Variants in GFRA4 observed in about 807,000 individuals in gnomAD.
GFRA4 encodes the protein GDNF family receptor alpha 4.
Under a neutral mutation model 28.5 loss-of-function variants are expected in GFRA4, and 31 were observed. That is an observed-to-expected ratio of 1.09 (90% CI 0.82 to 1.47). GFRA4 has a LOEUF of 1.47. Among genes scored for constraint, GFRA4 ranks in the 40% most tolerant of loss-of-function variants. GFRA4 has a pLI of 0.00. For missense variants in GFRA4, 389 were observed against 413.2 expected, an observed-to-expected ratio of 0.94 and a Z score of 0.51; for synonymous variants, 188 against 188.0, an observed-to-expected ratio of 1.00 and a Z score of 0.00.
rs953167413 is a variant in GFRA4 at position 3,659,928 on chromosome 20, G to A, written c.791C>T (p.Ala264Val). The stretch of plus-strand genomic sequence containing the variant: ...TCCTAATCAGAGCAGGGCCGGGAGA[G>A]CCAGGACAGGAAGTATGGAGAGCAG... ...RSLLSILPVL[A>V]LPALL The change falls in exon 6 of 6, where the codon GCT becomes GTT. Residue 264 changes from alanine to valine, a missense_variant. Coordinates refer to ENST00000290417, the MANE Select transcript of GFRA4 (RefSeq NM_022139.4). 9 of 1,597,524 alleles carry A rather than the reference G, an allele frequency of 5.6e-6. No individual in the cohort carries two copies. In the Admixed American group the frequency reaches 1.2e-4, roughly 22 times the overall value.
At chr20:3,662,062 G>A (rs984097597) in intron 1 of GFRA4, among the ~76,000 whole-genome samples, 1 of 152,174 alleles carries the variant, frequency 6.6e-6, no homozygotes, top group Non-Finnish European at 1.5e-5. Context: ...TGGATTCAGA[G>A]AAGTCCCTGA....
At position 3,659,866 on chromosome 20, in the gene GFRA4, A is replaced by G. The variant is rs1219601591; in HGVS notation, c.*43T>C. 1.3e-6 allele frequency: 2 copies of G among 1,543,908 alleles called. No individual in the cohort carries two copies. Among genetic ancestry groups the G allele is most frequent in the Non-Finnish European group, 1.8e-6 (2 of 1,137,068 alleles). On this transcript the variant is annotated 3_prime_UTR_variant, in exon 6 of 6. Transcript: ENST00000290417. The stretch of plus-strand genomic sequence containing the variant: ...GGCCACAGAGGCGGCCCAGGCAGGC[A>G]GGGTGGAGTAGCTGGCTGTGCTATC...
Position 3,660,585 on chromosome 20 carries a change from C to T in GFRA4, c.578G>A (p.Gly193Glu), listed in dbSNP as rs1176596519. The change falls in exon 4 of 6, where the codon GGG becomes GAG. Residue 193 changes from glycine to glutamate, a missense_variant. Transcript: ENST00000290417. ...GGCTTCGCAGTCCTCACGCCGGTTC[C>T]CGCTGGCTCCGCAGTCGCACCAGGG... ...VAPWCDCGAS[G>E]NRREDCEAFR... is the part of the protein sequence containing the mutation. The T allele has an allele frequency of 1.3e-6, 2 of 1,551,028 alleles. No individual in the cohort carries two copies. The highest frequency in any genetic ancestry group is 1.7e-6 in the Non-Finnish European group (2 of 1,147,366).
intron 1 of GFRA4, among the ~76,000 whole-genome samples, chr20:3,662,884 C>T (rs1043494095): frequency 3.3e-5 from 5 of 152,180 alleles, no homozygotes; most frequent in African/African-American, 1.2e-4. Flanking sequence ...AGATCTCCTC[C>T]ACCTTAAACC....
chr20:3,662,694 G>A (rs1408760719), intron 1 of GFRA4, among the ~76,000 whole-genome samples: 1 of 152,132 alleles, frequency 6.6e-6, no homozygotes, highest in Non-Finnish European at 1.5e-5. Context: ...CCTCCCCAAA[G>A]GGCACACTTT....
Position 3,660,801 on chromosome 20 carries a change from C to A in GFRA4, c.456G>T (p.Leu152=). The A allele has an allele frequency of 7.1e-7, 1 of 1,415,260 alleles. No individual in the cohort carries two copies. The highest frequency in any genetic ancestry group is 9.1e-7 in the Non-Finnish European group (1 of 1,096,522). 87.7% of individuals were successfully genotyped at this position (1,415,260 alleles called of 1,614,324 possible). The part of the protein sequence containing the change: ...TPAPSAPDGC[L]LDQGARCLRA... ...GCAGGCAGCGGGCGCCCTGGTCCAG[C>A]AGGCAGCCGTCGGGGGCGCTGGGCG... Residue 152 remains leucine, a synonymous_variant, in exon 3 of 6, where the codon CTG becomes CTT. Coordinates refer to ENST00000290417, the MANE Select transcript of GFRA4 (RefSeq NM_022139.4).
In GFRA4 at chr20:3,659,831, G is replaced by C; in HGVS notation, c.*78C>G. ...GGGGGGTAAGCCAGCCCCTTCTCAA[G>C]GGGCCAGTAGGCCACAGAGGCGGCC... On this transcript the variant is annotated 3_prime_UTR_variant, in exon 6 of 6. Coordinates refer to ENST00000290417, the MANE Select transcript of GFRA4 (RefSeq NM_022139.4). The C allele has an allele frequency of 7.3e-7, 1 of 1,377,984 alleles. No homozygotes were observed. Among genetic ancestry groups the C allele is most frequent in the Non-Finnish European group, 1.0e-6 (1 of 993,218 alleles). 85.4% of individuals were successfully genotyped at this position (1,377,984 alleles called of 1,614,324 possible).
In GFRA4 at chr20:3,659,697, A is replaced by AC. The variant is rs3840956; in HGVS notation, c.*211dup. The AC allele has an allele frequency of 0.055, 31,975 of 584,820 alleles. 1,370 individuals are homozygous for AC. Among genetic ancestry groups the AC allele is most frequent in the African/African-American group, 0.14 (7,376 of 52,960 alleles). 36.2% of individuals were successfully genotyped at this position (584,820 alleles called of 1,614,324 possible). ...AACCAAGATGCCTCCTGACAGGGAGACGGGGGCTTTACAGTCAGGCCCCAG... is the reference window on the plus strand; with the variant it reads ...AACCAAGATGCCTCCTGACAGGGAGACCGGGGGCTTTACAGTCAGGCCCCAG... On this transcript the variant is annotated 3_prime_UTR_variant, in exon 6 of 6. Transcript: ENST00000290417.
chr20:3,659,994 G>T lies in GFRA4; in HGVS notation c.730-5C>A, dbSNP rs78068372. On this transcript the variant is annotated splice_region_variant and splice_polypyrimidine_tract_variant and intron_variant, in intron 5 of 5. Coordinates refer to ENST00000290417, the MANE Select transcript of GFRA4 (RefSeq NM_022139.4). ...GGCCCTGCCTGTGGAGGACACCTTG[G>T]GGGTGGGAGCCAAGTGCAGACTTGA... The T allele has an allele frequency of 3.2e-6, 5 of 1,568,272 alleles. No homozygotes were observed. The highest frequency in any genetic ancestry group is 4.3e-6 in the Non-Finnish European group (5 of 1,156,888).
intron 4 of GFRA4, 42 bp from the exon 5 acceptor site, chr20:3,660,291 C>T: frequency 2.0e-6 from 3 of 1,507,616 alleles, no homozygotes. Flanking sequence ...CTGGGAAACC[C>T]TAGCACAGGG....
chr20:3,660,622 C>T lies in GFRA4; in HGVS notation c.541G>A (p.Ala181Thr), dbSNP rs1218812605. ...CAGTCGCACCAGGGCGCCACGCGCG[C>T]GCTCACGTTGTCCACGTAGTTAGGG... ...VTPNYVDNVS[A>T]RVAPWCDCGA... is the part of the protein sequence containing the mutation. Residue 181 changes from alanine to threonine, a missense_variant, in exon 4 of 6, where the codon GCG becomes ACG. Ala to Thr is a moderately conservative substitution (Grantham distance 58). Transcript: ENST00000290417. 1 of 1,551,344 alleles carries T rather than the reference C, an allele frequency of 6.4e-7. No individual in the cohort carries two copies. The highest frequency in any genetic ancestry group is 2.0e-5 in the Admixed American group (1 of 51,210).
Position 3,660,561 on chromosome 20 carries a change from G to C in GFRA4, c.602C>G (p.Ala201Gly), listed in dbSNP as rs557657194. The change falls in exon 4 of 6, where the codon GCC becomes GGC. Residue 201 changes from alanine (A) to glycine (G), a missense_variant. By Grantham distance (60) the Ala-to-Gly change is moderately conservative. Transcript: ENST00000290417. ...ASGNRREDCE[A>G]FRGLFTRNRC... ...GTTCCTGGTAAAGAGCCCCCGGAAG[G>C]CTTCGCAGTCCTCACGCCGGTTCCC... 2 of 1,550,950 alleles carry C rather than the reference G, an allele frequency of 1.3e-6. No individual in the cohort carries two copies. Among genetic ancestry groups the C allele is most frequent in the Non-Finnish European group, 1.7e-6 (2 of 1,147,376 alleles).
In GFRA4 at chr20:3,661,307, A is replaced by G. The variant is rs1882624348; in HGVS notation, c.47-18T>C. ...CGCCGACCCTGGGAAAGGCGCGGGG[A>G]GGCTGCAGGTCTCAGTGCGCCCCGC... On this transcript the variant is annotated intron_variant, in intron 1 of 5. Coordinates refer to ENST00000290417, the MANE Select transcript of GFRA4 (RefSeq NM_022139.4). 6.9e-7 allele frequency: 1 copy of G among 1,446,608 alleles called. No individual in the cohort carries two copies. The highest frequency in any genetic ancestry group is 2.9e-5 in the East Asian group (1 of 34,850). 89.6% of individuals were successfully genotyped at this position (1,446,608 alleles called of 1,614,324 possible).
chr20:3,660,259 G>C lies in GFRA4; in HGVS notation c.638-10C>G. Reference sequence around the variant, plus strand: ...GCCTGAATGGCACCATCTATGGAGGGAGGGGTCCAGGGTGGACTTAGCTGG... The same window carrying C: ...GCCTGAATGGCACCATCTATGGAGGCAGGGGTCCAGGGTGGACTTAGCTGG... On this transcript the variant is annotated splice_polypyrimidine_tract_variant and intron_variant, in intron 4 of 5. Coordinates refer to ENST00000290417, the MANE Select transcript of GFRA4 (RefSeq NM_022139.4). The C allele has an allele frequency of 6.3e-7, 1 of 1,597,956 alleles. No individual in the cohort carries two copies. The highest frequency in any genetic ancestry group is 1.1e-5 in the South Asian group (1 of 88,334).
chr20:3,659,675 C>T lies in GFRA4; in HGVS notation c.*234G>A. On this transcript the variant is annotated 3_prime_UTR_variant, in exon 6 of 6. Coordinates refer to ENST00000290417, the MANE Select transcript of GFRA4 (RefSeq NM_022139.4). The stretch of plus-strand genomic sequence containing the variant: ...GTCTGTGAATAAAGGGACTTACAAC[C>T]AAGATGCCTCCTGACAGGGAGACGG... The T allele has an allele frequency of 1.7e-6, 1 of 574,590 alleles. No individual in the cohort carries two copies. 35.6% of individuals were successfully genotyped at this position (574,590 alleles called of 1,614,324 possible).
At chr20:3,662,027 C>A (rs2087229671) in intron 1 of GFRA4, among the ~76,000 whole-genome samples, 1 of 152,202 alleles carries the variant, frequency 6.6e-6, no homozygotes, top group Non-Finnish European at 1.5e-5. Context: ...ACTGAAGAAC[C>A]CACTGAGTCC....
intron 1 of GFRA4, among the ~76,000 whole-genome samples, chr20:3,662,237 C>G (rs999482762): frequency 6.6e-6 from 1 of 152,238 alleles, no homozygotes; most frequent in Non-Finnish European, 1.5e-5. Context: ...GCTCTGCCCA[C>G]ATGCCCACAG....
intron 2 of GFRA4, 38 bp downstream of exon 2, chr20:3,660,906 C>G: frequency 7.2e-7 from 1 of 1,383,274 alleles, no homozygotes; most frequent in Non-Finnish European, 9.3e-7. Context: ...AGGCCCCGTC[C>G]CCACCCTCGC....
intron 1 of GFRA4, among the ~76,000 whole-genome samples, chr20:3,662,539 C>A (rs2087234714): frequency 6.6e-6 from 1 of 152,152 alleles, no homozygotes; most frequent in Non-Finnish European, 1.5e-5. Flanking sequence ...GTCTTTCAGG[C>A]TGTGGATTGG....
Sources: gnomAD v4.1 joint callset for allele counts (sites outside exome capture counted in the v4.1 genomes callset) on GRCh38, gnomAD v4.1.1 for gene constraint, MANE v1.5 for transcripts, NCBI Gene and HGNC (gene_info 2026-07-23, HGNC 2026-07-21) for gene names.